The following ZNF521 variants were observed in gnomAD, a reference collection of about 807,000 sequenced individuals.
The protein encoded by ZNF521 is zinc finger protein 521.
ZNF521 carries 14 observed loss-of-function variants against 105.5 expected under a neutral mutation model. The observed-to-expected ratio is 0.13, with a 90% CI of 0.09 to 0.21. The LOEUF (loss-of-function observed/expected upper bound fraction) is 0.21. Ranked by LOEUF, ZNF521 falls within the 10% of genes least tolerant of loss-of-function variation. The pLI is 1.00. For missense variants in ZNF521, 1,233 were observed against 1,629.7 expected (o/e 0.76, Z 4.19); for synonymous variants, 635 against 606.0 (o/e 1.05, Z -0.70).
chr18:25,232,385 T>C (rs566764872), intron 3 of ZNF521, among the ~76,000 whole-genome samples: 131 of 152,360 alleles, frequency 8.6e-4, no homozygotes, highest in African/African-American at 3.0e-3. Flanking sequence ...AAAAGATTTA[T>C]ATGTGTTGCA....
At chr18:25,237,772 T>C (rs1414119700) in intron 3 of ZNF521, among the ~76,000 whole-genome samples, 1 of 152,226 alleles carries the variant, frequency 6.6e-6, no homozygotes, top group Non-Finnish European at 1.5e-5. Context: ...GCTCTGCTCT[T>C]TTCTCTTAAG....
chr18:25,215,298 T>C (rs1001220506), intron 4 of ZNF521, among the ~76,000 whole-genome samples: 3 of 152,210 alleles, frequency 2.0e-5, no homozygotes, highest in Non-Finnish European at 2.9e-5. Context: ...TAAAAGCTTT[T>C]GGCAAGATTC....
At position 25,224,970 on chromosome 18, in the gene ZNF521, T is replaced by C; in HGVS notation, c.2948A>G (p.Lys983Arg). 1.9e-6 allele frequency: 3 copies of C among 1,614,034 alleles called. No individual in the cohort carries two copies. The highest frequency in any genetic ancestry group is 2.5e-6 in the Non-Finnish European group (3 of 1,180,022). The change falls in exon 4 of 8, where the codon AAG becomes AGG. Residue 983 changes from lysine (K) to arginine (R), a missense_variant. Physicochemically the swap from Lys to Arg is conservative, Grantham distance 26 (BLOSUM62 2). Around this residue, in one of 6 missense-constraint regions of ZNF521, gnomAD observed 614 missense variants for 751.5 expected, o/e 0.82. Transcript: ENST00000361524. ...CCGGCAGTTTCCAGTATCAAGACTC[T>C]TACTATGCGTGACTTTGTGTTCAGT... is the stretch of plus-strand genomic sequence containing the variant. ...TLTEHKVTHS[K>R]SLDTGNCRIC...
intron 3 of ZNF521, among the ~76,000 whole-genome samples, chr18:25,311,570 T>C (rs1189995820): frequency 1.3e-5 from 2 of 152,068 alleles, no homozygotes; most frequent in African/African-American, 4.8e-5. Flanking sequence ...TTTTAATTCA[T>C]CTTCCCCACA....
chr18:25,238,220 TA>T (rs1304186259), intron 3 of ZNF521, among the ~76,000 whole-genome samples: 3 of 152,202 alleles, frequency 2.0e-5, no homozygotes, highest in East Asian at 1.9e-4. Flanking sequence ...TGAATAAACC[TA>T]AAGTGGTGTT....
Position 25,261,157 on chromosome 18 carries a change from C to T in ZNF521, c.221-33460G>A, listed in dbSNP as rs557622753. 8.5e-5 allele frequency among the ~76,000 whole-genome samples: 13 copies of T among 152,202 alleles called. No homozygotes were observed. The East Asian group carries it at 1.5e-3, about 18-fold the overall frequency. On this transcript the variant is annotated intron_variant, in intron 3 of 7. Coordinates refer to ENST00000361524, the MANE Select transcript of ZNF521 (RefSeq NM_015461.3). ...CCAGAGTCCTCCTCAGTTTGGCCAA[C>T]GTCAGCTGCATCAGAGCACCTCCAG...
chr18:25,256,002 T>C (rs1908467243), intron 3 of ZNF521, among the ~76,000 whole-genome samples: 1 of 148,158 alleles, frequency 6.7e-6, no homozygotes, highest in South Asian at 2.1e-4. Flanking sequence ...ATATGGTATA[T>C]ATATATGATA....
chr18:25,316,610 A>G (rs1044378330), intron 3 of ZNF521, among the ~76,000 whole-genome samples: 1 of 152,148 alleles, frequency 6.6e-6, no homozygotes, highest in African/African-American at 2.4e-5. Context: ...TTTCCAGATC[A>G]GACTGGAGGG....
chr18:25,129,929 C>G (rs1168816511), intron 5 of ZNF521, among the ~76,000 whole-genome samples: 1 of 152,122 alleles, frequency 6.6e-6, no homozygotes, highest in African/African-American at 2.4e-5. Context: ...CAGTTTGGAG[C>G]TTTCTTATAA....
At chr18:25,295,923 T>C (rs1285663608) in intron 3 of ZNF521, among the ~76,000 whole-genome samples, 1 of 152,228 alleles carries the variant, frequency 6.6e-6, no homozygotes, top group Admixed American at 6.5e-5. Context: ...GCCAGCAGTG[T>C]CTATTACTCC....
chr18:25,334,411 AG>A (rs1913758927), intron 2 of ZNF521, among the ~76,000 whole-genome samples: 2 of 152,158 alleles, frequency 1.3e-5, no homozygotes, highest in Non-Finnish European at 2.9e-5. Flanking sequence ...CCCACTTTCA[AG>A]TTCTTTTTCT....
At chr18:25,187,765 C>T (rs1256702835) in intron 5 of ZNF521, among the ~76,000 whole-genome samples, 1 of 152,160 alleles carries the variant, frequency 6.6e-6, no homozygotes, top group Non-Finnish European at 1.5e-5. Flanking sequence ...TAGACAGTAG[C>T]TTCTTTGTTC....
chr18:25,301,253 A>G (rs940152631), intron 3 of ZNF521, among the ~76,000 whole-genome samples: 2 of 152,312 alleles, frequency 1.3e-5, no homozygotes, highest in East Asian at 1.9e-4. Context: ...GACCATGCAG[A>G]TAATATCTGG....
Position 25,225,257 on chromosome 18 carries a change from G to A in ZNF521, c.2661C>T (p.Gly887=), listed in dbSNP as rs1222991484. The A allele has an allele frequency of 1.2e-6, 2 of 1,614,126 alleles. No homozygotes were observed. The highest frequency in any genetic ancestry group is 3.3e-5 in the Admixed American group (2 of 60,010). ...EDVDTSEPMY[G]CDICGAAYTM... ...TGTAGGCTGCCCCACAAATGTCGCAGCCGTACATAGGCTCAGAGGTGTCAA... is the reference window on the plus strand; with the variant it reads ...TGTAGGCTGCCCCACAAATGTCGCAACCGTACATAGGCTCAGAGGTGTCAA... Residue 887 remains glycine, a synonymous_variant, in exon 4 of 8, where the codon GGC becomes GGT. Coordinates refer to ENST00000361524, the MANE Select transcript of ZNF521 (RefSeq NM_015461.3). This position sits in a 1 kb window ranked among gnomAD's most constrained non-coding sequence, Gnocchi z 5.6.
intron 7 of ZNF521, among the ~76,000 whole-genome samples, chr18:25,087,894 C>G (rs1051381969): frequency 2.6e-5 from 4 of 152,168 alleles, no homozygotes; most frequent in African/African-American, 4.8e-5. Context: ...ATTTCATCTC[C>G]TTAACTTACT....
chr18:25,201,743 C>T (rs1454230475), intron 4 of ZNF521: 1 of 152,082 alleles, frequency 6.6e-6, no homozygotes, highest in African/African-American at 2.4e-5. Context: ...CAAATATATC[C>T]AGCAGTCTTA....
intron 5 of ZNF521, among the ~76,000 whole-genome samples, chr18:25,109,338 TCTTTA>T (rs1474502171): frequency 1.3e-5 from 2 of 152,232 alleles, no homozygotes; most frequent in African/African-American, 4.8e-5. Context: ...TACTTCATTT[TCTTTA>T]TCCAATCATC....
intron 3 of ZNF521, among the ~76,000 whole-genome samples, chr18:25,255,603 T>G (rs996564748): frequency 6.6e-6 from 1 of 152,148 alleles, no homozygotes; most frequent in Non-Finnish European, 1.5e-5. Context: ...TTTGCTTCAC[T>G]GATTTATCAA....
At chr18:25,092,119 C>G in intron 5 of ZNF521, 38 bp from the exon 6 acceptor site, 1 of 1,611,690 alleles carries the variant, frequency 6.2e-7, no homozygotes, top group Non-Finnish European at 8.5e-7. Context: ...TGATGAAAAC[C>G]TGTCATATCT....
Sources: allele counts gnomAD v4.1 joint callset (sites outside exome capture counted in the v4.1 genomes callset), GRCh38; gene constraint gnomAD v4.1.1; regional missense constraint gnomAD v4.1.1; non-coding constraint Gnocchi (gnomAD v3.1); transcripts MANE v1.5; gene names NCBI Gene and HGNC (gene_info 2026-07-23, HGNC 2026-07-21).